Variants in STXBP3 observed in about 807,000 individuals in gnomAD.
The protein encoded by STXBP3 is syntaxin binding protein 3, also known as syntaxin-binding protein 3.
In STXBP3, 41 loss-of-function variants were observed where a neutral mutation model predicts 85.7. The observed-to-expected ratio is 0.48, with a 90% CI of 0.37 to 0.62. The LOEUF (loss-of-function observed/expected upper bound fraction) is 0.62. STXBP3 is among the 20% of genes least tolerant of loss of function. STXBP3 has a pLI of 0.00. For missense variants in STXBP3, 563 were observed against 703.1 expected (o/e 0.80, Z 2.25); for synonymous variants, 229 against 231.7 (o/e 0.99, Z 0.10).
At chr1:108,758,195 T>C (rs1489874346) in intron 4 of STXBP3, among the ~76,000 whole-genome samples, 1 of 152,122 alleles carries the variant, frequency 6.6e-6, no homozygotes, top group African/African-American at 2.4e-5. Context: ...TAGTCTTGTC[T>C]TCTATGTTGT....
intron 4 of STXBP3, 56 bp from the exon 5 acceptor site, chr1:108,758,454 A>G: frequency 1.2e-6 from 1 of 869,502 alleles, no homozygotes; most frequent in Admixed American, 3.1e-5. Context: ...TTCAAAAGGT[A>G]ACATATTTAA....
chr1:108,802,266 A>G (rs555925400), intron 17 of STXBP3, among the ~76,000 whole-genome samples: 91 of 152,092 alleles, frequency 6.0e-4, no homozygotes, highest in South Asian at 1.0e-3. Flanking sequence ...GCATGGTGGC[A>G]CACTCCTGTA....
rs757684644 is a variant in STXBP3, at chr1:108,758,622, C to T, written c.337+34C>T. The stretch of plus-strand genomic sequence containing the variant: ...TTTAAAAAGTTATTGCTTCATTGTT[C>T]AAAATGCCATTGGTTTTAAACTGTC... On this transcript the variant is annotated intron_variant, in intron 5 of 18. Coordinates refer to ENST00000370008, the MANE Select transcript of STXBP3 (RefSeq NM_007269.4). 5 of 1,307,856 alleles carry T rather than the reference C, an allele frequency of 3.8e-6. No homozygotes were observed. In the African/African-American group the frequency reaches 7.5e-5, roughly 20 times the overall value. 81.0% of individuals were successfully genotyped at this position (1,307,856 alleles called of 1,614,324 possible).
chr1:108,776,558 A>G (rs967496647), intron 8 of STXBP3, 135 bp downstream of exon 8: 12 of 542,892 alleles, frequency 2.2e-5, no homozygotes, highest in Admixed American at 3.2e-5. Context: ...TGATTTGAGA[A>G]TCATTAACAT....
At chr1:108,786,973 T>C (rs1159935734) in intron 11 of STXBP3, among the ~76,000 whole-genome samples, 1 of 152,226 alleles carries the variant, frequency 6.6e-6, no homozygotes, top group African/African-American at 2.4e-5. Flanking sequence ...TTTAGTGGTA[T>C]TGCACATTTT....
In STXBP3 at chr1:108,796,272, G is replaced by A; in HGVS notation, c.1149G>A (p.Val383=). The stretch of plus-strand genomic sequence containing the variant: ...GAACTGATGCAGAAGGACAGAAGGT[G>A]AAAGATTCCATGCGAGTACTCCTTC... The part of the protein sequence containing the change: ...ALGTDAEGQK[V]KDSMRVLLPV... The change falls in exon 14 of 19, where the codon GTG becomes GTA. Residue 383 remains valine (V), a synonymous_variant. Coordinates refer to ENST00000370008, the MANE Select transcript of STXBP3 (RefSeq NM_007269.4). The A allele has an allele frequency of 6.2e-6, 10 of 1,613,712 alleles. No individual in the cohort carries two copies. The highest frequency in any genetic ancestry group is 8.5e-6 in the Non-Finnish European group (10 of 1,179,812).
chr1:108,809,184 A>C lies in STXBP3; in HGVS notation c.*307A>C, dbSNP rs1663403877. ...TTTCACAGCCACCTATGTACATACT[A>C]ATTACCCATTGGATACTTATATCTA... On this transcript the variant is annotated 3_prime_UTR_variant, in exon 19 of 19. Coordinates refer to ENST00000370008, the MANE Select transcript of STXBP3 (RefSeq NM_007269.4). 1 of 194,490 alleles carries C rather than the reference A, an allele frequency of 5.1e-6. No homozygotes were observed. The highest frequency in any genetic ancestry group is 2.3e-5 in the African/African-American group (1 of 42,632). The allele number at this position is 194,490 out of a possible 1,614,324, so 12.0% of individuals were successfully genotyped here. A position where few individuals can be genotyped will look rare whatever the true frequency, so the allele number is the denominator to read the frequency against.
chr1:108,752,239 CCTTT>C lies in STXBP3; in HGVS notation c.50-13_50-10del, dbSNP rs1286898425. The C allele has an allele frequency of 1.9e-6, 3 of 1,596,508 alleles. No homozygotes were observed. The African/African-American group carries it at 4.0e-5, about 22-fold the overall frequency. On this transcript the variant is annotated splice_polypyrimidine_tract_variant and intron_variant, in intron 1 of 18. Transcript: ENST00000370008. ...CTGTTTATTTAATTCCTAAGTAATT[CCTTT>C]CTTTTTTAAACAGAGATAAAAGCAA...
intron 11 of STXBP3, among the ~76,000 whole-genome samples, chr1:108,789,151 TTTATCTTTAA>T (rs1284504616): frequency 6.6e-6 from 1 of 152,226 alleles, no homozygotes; most frequent in Non-Finnish European, 1.5e-5. Flanking sequence ...TCTTGCATGT[TTTATCTTTAA>T]TTAGCTGATT....
intron 6 of STXBP3, among the ~76,000 whole-genome samples, chr1:108,760,619 A>G (rs935830502): frequency 6.6e-6 from 1 of 152,180 alleles, no homozygotes; most frequent in African/African-American, 2.4e-5. Context: ...TGTTTTACAT[A>G]AATTTATTCA....
In STXBP3 at chr1:108,772,606, A is replaced by G. The variant is rs1052291830; in HGVS notation, c.439-59A>G. 5 of 813,562 alleles carry G rather than the reference A, an allele frequency of 6.1e-6. No homozygotes were observed. The African/African-American group carries it at 9.3e-5, about 15-fold the overall frequency. The allele number at this position is 813,562 out of a possible 1,614,324, so 50.4% of individuals were successfully genotyped here. Reference sequence around the variant, plus strand: ...CATTATATATAACATAAATATAAATATATATTTTTTTTAAATCAGGTCTCC... The same window carrying G: ...CATTATATATAACATAAATATAAATGTATATTTTTTTTAAATCAGGTCTCC... On this transcript the variant is annotated intron_variant, in intron 6 of 18. Transcript: ENST00000370008.
chr1:108,803,924 C>T (rs1454403922), intron 17 of STXBP3, among the ~76,000 whole-genome samples: 2 of 152,182 alleles, frequency 1.3e-5, no homozygotes, highest in African/African-American at 4.8e-5. Flanking sequence ...TCTACTTTAG[C>T]TCTTGGGAAG....
chr1:108,749,276 G>A (rs1252649248), intron 1 of STXBP3, among the ~76,000 whole-genome samples: 2 of 152,196 alleles, frequency 1.3e-5, no homozygotes, highest in Admixed American at 6.5e-5. Context: ...AGAGAAATAA[G>A]TCTAGAGTAG....
chr1:108,787,345 G>C (rs1200045004), intron 11 of STXBP3, among the ~76,000 whole-genome samples: 2 of 152,112 alleles, frequency 1.3e-5, no homozygotes, highest in Non-Finnish European at 2.9e-5. Context: ...TAATCTTCCA[G>C]AGGTGTCCAA....
chr1:108,787,096 C>G (rs1662848457), intron 11 of STXBP3, among the ~76,000 whole-genome samples: 1 of 151,938 alleles, frequency 6.6e-6, no homozygotes, highest in Admixed American at 6.6e-5. Context: ...TACCTTGGAT[C>G]TGGTGACCTT....
chr1:108,807,374 CTTT>C, intron 17 of STXBP3, 24 bp from the exon 18 acceptor site: 1 of 1,179,624 alleles, frequency 8.5e-7, no homozygotes. Context: ...AACATGTTTA[CTTT>C]TTTTTTTTTA....
At position 108,768,002 on chromosome 1, in the gene STXBP3, CTG is replaced by C. The variant is rs549677491; in HGVS notation, c.439-4662_439-4661del. On this transcript the variant is annotated intron_variant, in intron 6 of 18. Coordinates refer to ENST00000370008, the MANE Select transcript of STXBP3 (RefSeq NM_007269.4). ...TGGCTACACATAAGTGCATGGGAAACTGAGAAAATTTTTTAGCTGGGCATATA... is the reference window on the plus strand; with the variant it reads ...TGGCTACACATAAGTGCATGGGAAACAGAAAATTTTTTAGCTGGGCATATA... Among the ~76,000 whole-genome samples the C allele has an allele frequency of 6.9e-3, 1,044 of 152,232 alleles. 6 individuals carry two copies. The highest frequency in any genetic ancestry group is 0.011 in the Non-Finnish European group (759 of 68,014).
At chr1:108,801,518 T>C (rs1279980554) in intron 17 of STXBP3, among the ~76,000 whole-genome samples, 4 of 152,168 alleles carry the variant, frequency 2.6e-5, no homozygotes, top group Non-Finnish European at 4.4e-5. Context: ...CCCCTATGTC[T>C]GTGTAGTTTA....
At chr1:108,768,829 T>A (rs1415174120) in intron 6 of STXBP3, among the ~76,000 whole-genome samples, 1 of 152,104 alleles carries the variant, frequency 6.6e-6, no homozygotes, top group Admixed American at 6.5e-5. Context: ...AGGAAGAAGA[T>A]TAACTCACTC....
Sources: gnomAD v4.1 joint callset for allele counts (sites outside exome capture counted in the v4.1 genomes callset) on GRCh38, gnomAD v4.1.1 for gene constraint, MANE v1.5 for transcripts, NCBI Gene and HGNC (gene_info 2026-07-23, HGNC 2026-07-21) for gene names.